Variants in SRGAP2C observed in about 807,000 individuals in gnomAD.
SRGAP2C encodes the protein SLIT-ROBO Rho GTPase activating protein 2C.
Under a neutral mutation model 25.1 loss-of-function variants are expected in SRGAP2C, and 15 were observed. The observed-to-expected ratio is 0.60, with a 90% confidence interval of 0.40 to 0.92. The LOEUF (loss-of-function observed/expected upper bound fraction) is 0.92. Ranked by LOEUF, SRGAP2C falls within the 40% of genes least tolerant of loss-of-function variation. The pLI is 0.00. For synonymous variants in SRGAP2C, 44 were observed against 96.6 expected (o/e 0.46, Z 3.19); for missense variants, 144 against 264.4 (o/e 0.54, Z 3.16).
At chr1:121,289,178 C>T (rs1401732163) in intron 3 of SRGAP2C, among the ~76,000 whole-genome samples, 133 of 148,500 alleles carry the variant, frequency 9.0e-4, no homozygotes, top group Admixed American at 2.2e-3. Context: ...GGGGAGGCTC[C>T]GGCCGCACAG....
intron 4 of SRGAP2C, among the ~76,000 whole-genome samples, chr1:121,328,902 AAAAC>A (rs1446081103): frequency 1.4e-3 from 173 of 125,336 alleles, no homozygotes; most frequent in Non-Finnish European, 1.7e-3. Flanking sequence ...AAAAAAAAAA[AAAAC>A]AAAAAACAAA....
At chr1:121,345,649 C>CTTTTT (rs782110661) in intron 4 of SRGAP2C, among the ~76,000 whole-genome samples, 95 of 95,732 alleles carry the variant, frequency 9.9e-4, no homozygotes, top group East Asian at 2.1e-3. Context: ...GGTTGCTCTT[C>CTTTTT]TTTTTTTTTT....
intron 2 of SRGAP2C, among the ~76,000 whole-genome samples, chr1:121,258,507 C>G (rs587611973): frequency 6.7e-6 from 1 of 149,904 alleles, no homozygotes; most frequent in Admixed American, 6.7e-5. Context: ...CTCCTGTTGC[C>G]CAGGCTGGAG....
chr1:121,359,483 A>AT (rs1258846876), intron 4 of SRGAP2C, among the ~76,000 whole-genome samples: 5 of 151,866 alleles, frequency 3.3e-5, no homozygotes, highest in African/African-American at 4.8e-5. Flanking sequence ...TCTGAAAACA[A>AT]TTTTTTTAAA....
Position 121,390,625 on chromosome 1 carries a change from AT to A in SRGAP2C, c.*2773del, listed in dbSNP as rs1466175685. On this transcript the variant is annotated 3_prime_UTR_variant, in exon 10 of 10. Coordinates refer to ENST00000367123, the MANE Select transcript of SRGAP2C (RefSeq NM_001329984.2). Reference sequence around the variant, plus strand: ...TTTGCCCAGATGACATCAATTGGGAATTTGAGGCATGACCTATAAAGATCAG... The same window carrying A: ...TTTGCCCAGATGACATCAATTGGGAATTGAGGCATGACCTATAAAGATCAG... 9.2e-5 allele frequency: 7 copies of A among 76,460 alleles called. No individual in the cohort carries two copies. Among genetic ancestry groups the A allele is most frequent in the Middle Eastern group, 4.6e-3 (1 of 216 alleles). 4.7% of individuals were successfully genotyped at this position (76,460 alleles called of 1,614,324 possible). A position where few individuals can be genotyped will look rare whatever the true frequency, so the allele number is the denominator to read the frequency against.
At chr1:121,340,669 A>G (rs1439343221) in intron 4 of SRGAP2C, among the ~76,000 whole-genome samples, 4 of 151,224 alleles carry the variant, frequency 2.6e-5, no homozygotes, top group Admixed American at 2.0e-4. Context: ...CAGATTCATG[A>G]AAAGTAAGTC....
At chr1:121,238,275 A>C (rs1411337581) in intron 2 of SRGAP2C, among the ~76,000 whole-genome samples, 1 of 150,244 alleles carries the variant, frequency 6.7e-6, no homozygotes, top group Non-Finnish European at 1.5e-5. Flanking sequence ...GTTGTGTAAA[A>C]TCTTGCTTCC....
At chr1:121,310,297 T>G (rs1315728013) in intron 3 of SRGAP2C, among the ~76,000 whole-genome samples, 1 of 73,916 alleles carries the variant, frequency 1.4e-5, no homozygotes, top group East Asian at 4.7e-4. Context: ...TAAATTTGTT[T>G]GAGTTCATTG....
chr1:121,228,794 C>A (rs1197580583), intron 2 of SRGAP2C, among the ~76,000 whole-genome samples: 1 of 150,796 alleles, frequency 6.6e-6, no homozygotes, highest in African/African-American at 2.5e-5. Context: ...ACATCTAGGG[C>A]TCCTGACAGT....
chr1:121,278,039 C>G (rs1222870820), intron 2 of SRGAP2C, among the ~76,000 whole-genome samples: 2 of 149,756 alleles, frequency 1.3e-5, no homozygotes, highest in Non-Finnish European at 3.0e-5. Flanking sequence ...CTCCTGGGCT[C>G]AAGCAAGCCT....
At chr1:121,269,722 G>A (rs587686357) in intron 2 of SRGAP2C, among the ~76,000 whole-genome samples, 3 of 148,444 alleles carry the variant, frequency 2.0e-5, no homozygotes, top group African/African-American at 4.9e-5. Flanking sequence ...AAGTGAAAGA[G>A]CTGCTGTACT....
At position 121,324,529 on chromosome 1, in the gene SRGAP2C, C is replaced by T; in HGVS notation, c.312C>T (p.Asn104=). ...SPVNCWNLLL[N]QVKWESRDHT... Reference sequence around the variant, plus strand: ...TCAACTGCTGGAATCTCCTCTTAAACCAGGTGAAGTGGGAAAGCAGGGACC... The same window carrying T: ...TCAACTGCTGGAATCTCCTCTTAAATCAGGTGAAGTGGGAAAGCAGGGACC... The change falls in exon 4 of 10, where the codon AAC becomes AAT. Residue 104 remains asparagine (N), a synonymous_variant. Transcript: ENST00000367123. 1.2e-6 allele frequency: 2 copies of T among 1,613,442 alleles called. No homozygotes were observed. The highest frequency in any genetic ancestry group is 1.7e-6 in the Non-Finnish European group (2 of 1,179,482).
Position 121,356,979 on chromosome 1 carries a change from ACCCTGAACTC to A in SRGAP2C, c.424-8301_424-8292del, listed in dbSNP as rs781926395. Among the ~76,000 whole-genome samples, 457 of 151,664 alleles carry A rather than the reference ACCCTGAACTC, an allele frequency of 3.0e-3. 2 individuals carry two copies. Among genetic ancestry groups the A allele is most frequent in the Non-Finnish European group, 5.2e-3 (355 of 67,912 alleles). ...GGGCCATTAGCCTCTTCCTGACCCC[ACCCTGAACTC>A]CCCTGAACTCCCACCCTTGTCCCGA... is the stretch of plus-strand genomic sequence containing the variant. On this transcript the variant is annotated intron_variant, in intron 4 of 9. Coordinates refer to ENST00000367123, the MANE Select transcript of SRGAP2C (RefSeq NM_001329984.2).
At chr1:121,378,634 A>G (rs1570830986) in intron 7 of SRGAP2C, among the ~76,000 whole-genome samples, 1 of 151,696 alleles carries the variant, frequency 6.6e-6, no homozygotes, top group South Asian at 2.1e-4. Context: ...AGCCTGGGAT[A>G]TTGGCATCCT....
At position 121,374,118 on chromosome 1, in the gene SRGAP2C, A is replaced by G. The variant is rs2101663257; in HGVS notation, c.634A>G (p.Asn212Asp). ...CCCATGCTCCCCTGACTCCACGGCCAACGTTCGCATTGAGGAGAAACATGT... is the reference window on the plus strand; with the variant it reads ...CCCATGCTCCCCTGACTCCACGGCCGACGTTCGCATTGAGGAGAAACATGT... ...QTPCSPDSTA[N>D]VRIEEKHVRR... is the part of the protein sequence containing the mutation. The change falls in exon 6 of 10, where the codon AAC becomes GAC. Residue 212 changes from asparagine to aspartate, a missense_variant. Around this residue, in one of 5 missense-constraint regions of SRGAP2C, gnomAD observed 26 missense variants for 67.3 expected, o/e 0.39. Transcript: ENST00000367123. 1 of 502,878 alleles carries G rather than the reference A, an allele frequency of 2.0e-6. No individual in the cohort carries two copies. The highest frequency in any genetic ancestry group is 5.3e-5 in the East Asian group (1 of 18,958). The allele number at this position is 502,878 out of a possible 1,614,324, so 31.2% of individuals were successfully genotyped here. A position where few individuals can be genotyped will look rare whatever the true frequency, so the allele number is the denominator to read the frequency against.
At chr1:121,348,542 C>A (rs1178345754) in intron 4 of SRGAP2C, among the ~76,000 whole-genome samples, 3 of 151,782 alleles carry the variant, frequency 2.0e-5, no homozygotes, top group African/African-American at 7.3e-5. Context: ...ACCTTTTCTG[C>A]AGTATATATC....
At chr1:121,282,353 T>G (rs1252304255) in intron 2 of SRGAP2C, among the ~76,000 whole-genome samples, 1 of 146,620 alleles carries the variant, frequency 6.8e-6, no homozygotes, top group Non-Finnish European at 1.5e-5. Flanking sequence ...TGTCCTCTCT[T>G]TTTTTGGCAG....
intron 2 of SRGAP2C, among the ~76,000 whole-genome samples, chr1:121,225,656 G>A (rs587761857): frequency 6.4e-4 from 93 of 144,190 alleles, no homozygotes; most frequent in African/African-American, 2.2e-3. Flanking sequence ...TATACATCCA[G>A]CCCTTACCCT....
At chr1:121,375,973 A>G (rs1355955143) in intron 7 of SRGAP2C, among the ~76,000 whole-genome samples, 2 of 150,608 alleles carry the variant, frequency 1.3e-5, no homozygotes, top group Non-Finnish European at 3.0e-5. Flanking sequence ...TAATAGGCAC[A>G]TGTGTTTTGC....
Sources: gnomAD v4.1 joint callset for allele counts (sites outside exome capture counted in the v4.1 genomes callset) on GRCh38, gnomAD v4.1.1 for gene constraint, gnomAD v4.1.1 regional missense constraint, MANE v1.5 for transcripts, NCBI Gene and HGNC (gene_info 2026-07-23, HGNC 2026-07-21) for gene names.